SCN11A: variants seen among roughly 807,000 people sequenced by gnomAD.
The protein encoded by SCN11A is sodium channel protein type 11 subunit alpha.
SCN11A carries 122 observed loss-of-function variants against 162.2 expected under a neutral mutation model. That is an observed-to-expected ratio of 0.75 (90% CI 0.65 to 0.87). The LOEUF is 0.87. SCN11A is among the 40% of genes least tolerant of loss of function. SCN11A has a pLI of 0.00. For synonymous variants in SCN11A, 758 were observed against 751.5 expected, an observed-to-expected ratio of 1.01 and a Z score of -0.14; for missense variants, 2,015 against 2,181.6, an observed-to-expected ratio of 0.92 and a Z score of 1.52.
chr3:39,029,416 T>C (rs2031686950), intron 2 of SCN11A, among the ~76,000 whole-genome samples: 1 of 152,272 alleles, frequency 6.6e-6, no homozygotes, highest in Non-Finnish European at 1.5e-5. Context: ...CATTTTTTCC[T>C]ATTGTGCTTT....
chr3:38,959,946 C>T (rs997571737), intron 3 of SCN11A, among the ~76,000 whole-genome samples: 3 of 152,226 alleles, frequency 2.0e-5, no homozygotes, highest in Non-Finnish European at 4.4e-5. Context: ...TTTTTACCAT[C>T]GCCTCAGTTG....
At chr3:38,915,195 T>C (rs1417935723) in intron 11 of SCN11A, among the ~76,000 whole-genome samples, 1 of 152,188 alleles carries the variant, frequency 6.6e-6, no homozygotes, top group Non-Finnish European at 1.5e-5. Context: ...CCCAGTTCAG[T>C]CTTGGCAGGG....
intron 1 of SCN11A, among the ~76,000 whole-genome samples, chr3:39,040,173 G>T (rs1275803709): frequency 6.6e-6 from 1 of 152,206 alleles, no homozygotes; most frequent in African/African-American, 2.4e-5. Flanking sequence ...CTACACTATA[G>T]CCTCCATAAA....
At position 38,883,322 on chromosome 3, in the gene SCN11A, T is replaced by A. The variant is rs772841062; in HGVS notation, c.3130A>T (p.Asn1044Tyr). 2 of 1,614,030 alleles carry A rather than the reference T, an allele frequency of 1.2e-6. No homozygotes were observed. Among genetic ancestry groups the A allele is most frequent in the South Asian group, 1.1e-5 (1 of 91,076 alleles). ...KRKPPWVIWW[N>Y]LRKTCYQIVK... ...ATTTGGTAGCAGGTTTTCCGCAGGT[T>A]CCACCAAATGACCCAGGGAGGCTTT... The change falls in exon 22 of 30, where the codon AAC (asparagine) becomes TAC (tyrosine). Residue 1044 changes from asparagine to tyrosine, a missense_variant. Coordinates refer to ENST00000302328, the MANE Select transcript of SCN11A (RefSeq NM_001349253.2).
chr3:38,981,339 T>C (rs2030029567), intron 2 of SCN11A, among the ~76,000 whole-genome samples: 1 of 152,216 alleles, frequency 6.6e-6, no homozygotes, highest in South Asian at 2.1e-4. Flanking sequence ...CCTTCTTTTG[T>C]ACTTTAATTA....
intron 9 of SCN11A, among the ~76,000 whole-genome samples, chr3:38,922,839 G>A (rs954058045): frequency 6.6e-6 from 1 of 152,102 alleles, no homozygotes. Context: ...GGGCCATGCG[G>A]TATAGTTTAT....
chr3:38,988,604 C>G (rs1242965123), intron 2 of SCN11A, among the ~76,000 whole-genome samples: 1 of 152,164 alleles, frequency 6.6e-6, no homozygotes, highest in Non-Finnish European at 1.5e-5. Context: ...AGGATTCTGC[C>G]CAACAAAAGA....
intron 22 of SCN11A, among the ~76,000 whole-genome samples, chr3:38,880,963 A>G (rs866361607): frequency 1.3e-5 from 2 of 152,204 alleles, no homozygotes; most frequent in South Asian, 2.1e-4. Flanking sequence ...ATTTACGTCA[A>G]CATTGAAGGC....
intron 1 of SCN11A, among the ~76,000 whole-genome samples, chr3:39,036,413 GAGATTAC>G (rs2031906739): frequency 6.6e-6 from 1 of 152,212 alleles, no homozygotes; most frequent in East Asian, 1.9e-4. Flanking sequence ...CTAAAGTGCT[GAGATTAC>G]AGGCAAGAGC....
intron 28 of SCN11A, among the ~76,000 whole-genome samples, chr3:38,858,559 T>C (rs1575213395): frequency 6.6e-6 from 1 of 152,082 alleles, no homozygotes. Context: ...AACACAATAA[T>C]ACTGGGAGAC....
At position 38,973,269 on chromosome 3, in the gene SCN11A, C is replaced by T. The variant is rs183218938; in HGVS notation, c.-279-12846G>A. 7.6e-4 allele frequency among the ~76,000 whole-genome samples: 116 copies of T among 152,158 alleles called. 1 individual carries two copies. The East Asian group carries it at 9.3e-3, about 12-fold the overall frequency. ...AGAAAATGTTTTTAATTGCTATATT[C>T]GTTTGAATACACTTTTGAATAAATA... is the stretch of plus-strand genomic sequence containing the variant. On this transcript the variant is annotated intron_variant, in intron 2 of 29. Transcript: ENST00000302328.
rs1575337105 is a variant in SCN11A, at chr3:38,960,303, C to T, written c.-159G>A. Reference sequence around the variant, plus strand: ...CTTACCTGACTTCTTGGTAAGGTGGCTCCAGACAGCAATCCCAGCGATACT... The same window carrying T: ...CTTACCTGACTTCTTGGTAAGGTGGTTCCAGACAGCAATCCCAGCGATACT... On this transcript the variant is annotated 5_prime_UTR_variant, in exon 3 of 30. Transcript: ENST00000302328. Among the ~76,000 whole-genome samples the T allele has an allele frequency of 6.6e-6, 1 of 152,280 alleles. No homozygotes were observed. The highest frequency in any genetic ancestry group is 1.5e-5 in the Non-Finnish European group (1 of 68,020).
chr3:38,867,539 C>A (rs1218828536), intron 26 of SCN11A, 81 bp from the exon 27 acceptor site: 12 of 1,090,686 alleles, frequency 1.1e-5, no homozygotes, highest in Non-Finnish European at 1.3e-5. Context: ...ATCTAGAAGA[C>A]CAAGGTGTTT....
intron 7 of SCN11A, among the ~76,000 whole-genome samples, chr3:38,938,524 ATATATAT>A (rs1286117954): frequency 0.02 from 327 of 16,180 alleles, 7 homozygotes; most frequent in African/African-American, 0.079. Context: ...ATATATATAT[ATATATAT>A]ATATATATAT....
At chr3:38,936,371 G>A (rs866367561) in intron 7 of SCN11A, among the ~76,000 whole-genome samples, 3,759 of 145,474 alleles carry the variant, frequency 0.026, 150 homozygotes, top group African/African-American at 0.092. Flanking sequence ...TCTGGCCAGG[G>A]CAATTAGGCA....
Position 38,907,952 on chromosome 3 carries a change from T to A in SCN11A, c.1470A>T (p.Lys490Asn). The stretch of plus-strand genomic sequence containing the variant: ...TAATTCCCTGGAAAAGACTTACCTT[T>A]TTTTGGCAATCTTCATCAGAATCTG... ...PGSDSDEDCQ[K>N]KPQLLEQTKR... The change falls in exon 14 of 30, where the codon AAA becomes AAT. Residue 490 changes from lysine to asparagine, a missense_variant. By Grantham distance (94) the Lys-to-Asn change is moderately conservative. Coordinates refer to ENST00000302328, the MANE Select transcript of SCN11A (RefSeq NM_001349253.2). 1 of 1,599,024 alleles carries A rather than the reference T, an allele frequency of 6.3e-7. No homozygotes were observed. Among genetic ancestry groups the A allele is most frequent in the Non-Finnish European group, 8.5e-7 (1 of 1,176,248 alleles).
intron 1 of SCN11A, among the ~76,000 whole-genome samples, chr3:39,046,253 CTG>C (rs2032178524): frequency 8.2e-6 from 1 of 121,344 alleles, no homozygotes; most frequent in African/African-American, 3.1e-5. Context: ...GAGTGAGACT[CTG>C]TCTCAAAAAG....
intron 28 of SCN11A, among the ~76,000 whole-genome samples, chr3:38,856,976 A>G (rs929201217): frequency 8.5e-6 from 1 of 116,962 alleles, no homozygotes; most frequent in African/African-American, 3.3e-5. Context: ...AAGAGGGAAA[A>G]TATTTTAAAT....
intron 1 of SCN11A, among the ~76,000 whole-genome samples, chr3:39,050,519 T>C (rs931655517): frequency 1.3e-5 from 2 of 152,228 alleles, no homozygotes; most frequent in Non-Finnish European, 2.9e-5. Context: ...ACCTATAAGT[T>C]ATCACTGCCA....
Sources: gnomAD v4.1 joint callset for allele counts (sites outside exome capture counted in the v4.1 genomes callset) on GRCh38, gnomAD v4.1.1 for gene constraint, MANE v1.5 for transcripts, NCBI Gene and HGNC (gene_info 2026-07-23, HGNC 2026-07-21) for gene names.